The following DNER variants were observed in gnomAD, a reference collection of about 807,000 sequenced individuals.
DNER encodes delta and Notch-like epidermal growth factor-related receptor.
In DNER, 33 loss-of-function variants were observed where a neutral mutation model predicts 78.2. That is an observed-to-expected ratio of 0.42 (90% CI 0.32 to 0.56). DNER has a LOEUF of 0.56. DNER is among the 20% of genes least tolerant of loss of function. The pLI is 0.11. For synonymous variants in DNER, 417 were observed against 384.8 expected, an observed-to-expected ratio of 1.08 and a Z score of -0.98; for missense variants, 918 against 975.3, an observed-to-expected ratio of 0.94 and a Z score of 0.78.
chr2:229,647,363 G>T (rs1372028567), intron 1 of DNER, among the ~76,000 whole-genome samples: 1 of 152,150 alleles, frequency 6.6e-6, no homozygotes, highest in Non-Finnish European at 1.5e-5. Context: ...CAGTTGACAT[G>T]ATTTTCAGAA....
At chr2:229,554,810 A>T (rs1382182067) in intron 4 of DNER, among the ~76,000 whole-genome samples, 2 of 151,436 alleles carry the variant, frequency 1.3e-5, no homozygotes, top group African/African-American at 4.9e-5. Context: ...AGCTTTGATT[A>T]TGCCACTGCA....
chr2:229,698,506 C>T (rs1023977162), intron 1 of DNER, among the ~76,000 whole-genome samples: 3 of 152,032 alleles, frequency 2.0e-5, no homozygotes, highest in Admixed American at 6.6e-5. Flanking sequence ...CTGTAGGGTC[C>T]GGGGAAAGCA....
At chr2:229,610,336 G>T (rs942838610) in intron 1 of DNER, among the ~76,000 whole-genome samples, 1 of 152,148 alleles carries the variant, frequency 6.6e-6, no homozygotes, top group Admixed American at 6.5e-5. Context: ...AGAAGAGAAC[G>T]GTTTCCTGGA....
intron 1 of DNER, among the ~76,000 whole-genome samples, chr2:229,599,242 A>G (rs572107786): frequency 6.6e-6 from 1 of 152,334 alleles, no homozygotes; most frequent in Non-Finnish European, 1.5e-5. Flanking sequence ...TATGGTATTA[A>G]GAAGGAAGTA....
At chr2:229,625,883 TTTGTTTTTG>T (rs143658430) in intron 1 of DNER, among the ~76,000 whole-genome samples, 36,274 of 85,534 alleles carry the variant, frequency 0.42, 5,133 homozygotes, top group African/African-American at 0.46. Flanking sequence ...ACTATGCAAC[TTTGTTTTTG>T]TTGTTTTTGT....
intron 5 of DNER, among the ~76,000 whole-genome samples, chr2:229,518,096 A>G (rs962280005): frequency 1.3e-5 from 2 of 152,218 alleles, no homozygotes; most frequent in African/African-American, 4.8e-5. Context: ...CAGAAGCTGG[A>G]TGGTTATTTA....
At chr2:229,559,601 C>A (rs1333648503) in intron 4 of DNER, among the ~76,000 whole-genome samples, 1 of 151,722 alleles carries the variant, frequency 6.6e-6, no homozygotes, top group East Asian at 1.9e-4. Flanking sequence ...CTCAACTCAA[C>A]ATTTAGATGC....
intron 6 of DNER, among the ~76,000 whole-genome samples, chr2:229,497,146 G>T (rs1695518206): frequency 6.6e-6 from 1 of 152,114 alleles, no homozygotes; most frequent in Non-Finnish European, 1.5e-5. Context: ...ATAACAGGAA[G>T]CATTTTAGAA....
intron 1 of DNER, among the ~76,000 whole-genome samples, chr2:229,687,753 A>C (rs1476856046): frequency 6.6e-6 from 1 of 152,194 alleles, no homozygotes; most frequent in Non-Finnish European, 1.5e-5. Context: ...GACACTACTT[A>C]TCTGTCACAA....
intron 4 of DNER, among the ~76,000 whole-genome samples, chr2:229,564,742 T>C (rs548237887): frequency 6.6e-6 from 1 of 152,272 alleles, no homozygotes; most frequent in East Asian, 1.9e-4. Flanking sequence ...ATCATCATCA[T>C]CATCACCAGC....
At chr2:229,569,373 T>C (rs1004253342) in intron 4 of DNER, among the ~76,000 whole-genome samples, 1 of 152,044 alleles carries the variant, frequency 6.6e-6, no homozygotes, top group Non-Finnish European at 1.5e-5. Context: ...AATACAAAAG[T>C]TAACAGGGCA....
intron 7 of DNER, among the ~76,000 whole-genome samples, chr2:229,466,345 G>A (rs12464613): frequency 2.0e-5 from 3 of 152,066 alleles, no homozygotes; most frequent in East Asian, 1.9e-4. Context: ...CCCTAACCTC[G>A]CCCTGCTTTT....
chr2:229,398,748 A>G (rs1162136397), intron 10 of DNER, among the ~76,000 whole-genome samples: 1 of 152,096 alleles, frequency 6.6e-6, no homozygotes, highest in African/African-American at 2.4e-5. Context: ...TGAGTTATAC[A>G]CTATGACCAG....
chr2:229,622,025 G>T (rs1698259078), intron 1 of DNER, among the ~76,000 whole-genome samples: 1 of 152,232 alleles, frequency 6.6e-6, no homozygotes, highest in Admixed American at 6.5e-5. Flanking sequence ...GGCGGAGCTT[G>T]CAGTGAGCCG....
chr2:229,622,944 A>G (rs780096332), intron 1 of DNER, among the ~76,000 whole-genome samples: 1 of 152,202 alleles, frequency 6.6e-6, no homozygotes, highest in Non-Finnish European at 1.5e-5. Flanking sequence ...TGTTTAAGCC[A>G]CTGAGTTTGT....
intron 7 of DNER, among the ~76,000 whole-genome samples, chr2:229,473,420 C>CTA (rs1694966466): frequency 6.6e-6 from 1 of 152,134 alleles, no homozygotes; most frequent in Non-Finnish European, 1.5e-5. Context: ...GTTTAGTCTC[C>CTA]ATTTCTGGCT....
At chr2:229,482,540 A>G (rs1695186882) in intron 6 of DNER, among the ~76,000 whole-genome samples, 1 of 152,026 alleles carries the variant, frequency 6.6e-6, no homozygotes, top group Non-Finnish European at 1.5e-5. Context: ...CCCAGGCCTC[A>G]CTCTATTCCG....
intron 1 of DNER, among the ~76,000 whole-genome samples, chr2:229,665,279 G>A (rs1449681996): frequency 6.6e-6 from 1 of 151,910 alleles, no homozygotes; most frequent in Non-Finnish European, 1.5e-5. Context: ...CTAATTAAAG[G>A]ACCCAGCAGA....
chr2:229,644,483 G>A (rs1436046771), intron 1 of DNER, among the ~76,000 whole-genome samples: 3 of 151,548 alleles, frequency 2.0e-5, no homozygotes, highest in Admixed American at 6.6e-5. Flanking sequence ...TCCCAGCTAC[G>A]CGGAAGGCAC....
Sources: allele counts gnomAD v4.1 joint callset (sites outside exome capture counted in the v4.1 genomes callset), GRCh38; gene constraint gnomAD v4.1.1; transcripts MANE v1.5; gene names NCBI Gene and HGNC (gene_info 2026-07-23, HGNC 2026-07-21).